The following PPFIA2 variants were observed in gnomAD, a reference collection of about 807,000 sequenced individuals.
PPFIA2 encodes liprin-alpha-2.
A neutral mutation model predicts 175.5 loss-of-function variants in PPFIA2; 46 were observed. The observed-to-expected ratio is 0.26, with a 90% CI of 0.21 to 0.34. PPFIA2 has a LOEUF of 0.34. Among genes scored for constraint, PPFIA2 ranks in the 10% least tolerant of loss-of-function variants. The probability of loss-of-function intolerance (pLI) is 1.00; values close to 1 mark genes in which losing one functional copy is unlikely to be tolerated. For synonymous variants in PPFIA2, 568 were observed against 511.4 expected (o/e 1.11, Z -1.49); for missense variants, 1,179 against 1,506.1 (o/e 0.78, Z 3.60).
intron 4 of PPFIA2, among the ~76,000 whole-genome samples, chr12:81,532,015 C>T (rs1204185654): frequency 1.3e-5 from 2 of 151,818 alleles, no homozygotes; most frequent in East Asian, 1.9e-4. Context: ...AAAAGGTCAG[C>T]ATGATCTCAA....
At chr12:81,341,255 G>A in intron 19 of PPFIA2, 47 bp from the exon 20 acceptor site, 1 of 1,568,364 alleles carries the variant, frequency 6.4e-7, no homozygotes, top group Non-Finnish European at 8.7e-7. Context: ...CTAAATTTCA[G>A]TTGAAATTGA....
At chr12:81,670,330 C>T (rs1372385098) in intron 4 of PPFIA2, among the ~76,000 whole-genome samples, 1 of 151,798 alleles carries the variant, frequency 6.6e-6, no homozygotes, top group Admixed American at 6.6e-5. Context: ...AGATAGAAAA[C>T]ATTGCAGGGC....
chr12:81,558,283 T>C (rs1454049699), intron 4 of PPFIA2, among the ~76,000 whole-genome samples: 3 of 152,160 alleles, frequency 2.0e-5, no homozygotes, highest in Non-Finnish European at 4.4e-5. Flanking sequence ...CTTTTCCACA[T>C]TTTCTTTGTA....
intron 7 of PPFIA2, among the ~76,000 whole-genome samples, chr12:81,422,233 T>C (rs2046407442): frequency 6.6e-6 from 1 of 151,220 alleles, no homozygotes; most frequent in African/African-American, 2.4e-5. Flanking sequence ...CTAAAGTAAA[T>C]GCCATCCTGT....
chr12:81,470,348 G>A (rs759948514), intron 4 of PPFIA2, among the ~76,000 whole-genome samples: 2 of 152,106 alleles, frequency 1.3e-5, no homozygotes, highest in Admixed American at 6.6e-5. Context: ...ATCATTAATC[G>A]TCAGAGAAAT....
intron 4 of PPFIA2, among the ~76,000 whole-genome samples, chr12:81,503,565 AG>A (rs1379831612): frequency 6.7e-6 from 1 of 149,838 alleles, no homozygotes; most frequent in Non-Finnish European, 1.5e-5. Context: ...AAAAAAAAAA[AG>A]TTTCATTCCA....
intron 4 of PPFIA2, among the ~76,000 whole-genome samples, chr12:81,485,440 CA>C (rs1235213066): frequency 4.6e-5 from 7 of 151,544 alleles, no homozygotes; most frequent in Non-Finnish European, 1.0e-4. Context: ...GTGTCACTTC[CA>C]ATATATTTTT....
intron 27 of PPFIA2, among the ~76,000 whole-genome samples, chr12:81,281,050 G>A (rs1415060518): frequency 6.6e-6 from 1 of 151,780 alleles, no homozygotes; most frequent in African/African-American, 2.4e-5. Flanking sequence ...ATAAACTTTG[G>A]GCACATAATA....
chr12:81,590,528 G>A (rs891048468), intron 4 of PPFIA2, among the ~76,000 whole-genome samples: 2 of 151,706 alleles, frequency 1.3e-5, no homozygotes, highest in Non-Finnish European at 2.9e-5. Context: ...CAGGGTGATA[G>A]GGTTTGGCTG....
intron 7 of PPFIA2, among the ~76,000 whole-genome samples, chr12:81,427,037 AATTG>A (rs1313946822): frequency 3.3e-5 from 5 of 152,072 alleles, no homozygotes; most frequent in East Asian, 3.8e-4. Context: ...TAATTTGATT[AATTG>A]ATTGAATACA....
intron 8 of PPFIA2, among the ~76,000 whole-genome samples, chr12:81,390,848 A>C (rs1167383551): frequency 6.6e-6 from 1 of 151,712 alleles, no homozygotes; most frequent in Non-Finnish European, 1.5e-5. Flanking sequence ...TTTCTAAAAA[A>C]TCAATCCCCA....
intron 3 of PPFIA2, among the ~76,000 whole-genome samples, chr12:81,752,633 G>T (rs997900024): frequency 2.0e-5 from 3 of 152,136 alleles, no homozygotes; most frequent in African/African-American, 7.2e-5. Flanking sequence ...TGTGACAGGG[G>T]ATTCTTAGTG....
At chr12:81,458,890 A>C (rs2054046442) in intron 4 of PPFIA2, among the ~76,000 whole-genome samples, 1 of 152,184 alleles carries the variant, frequency 6.6e-6, no homozygotes, top group Non-Finnish European at 1.5e-5. Context: ...GGGAAAACTT[A>C]GGTCCATGCT....
chr12:81,608,066 T>C (rs2060512344), intron 4 of PPFIA2, among the ~76,000 whole-genome samples: 1 of 152,082 alleles, frequency 6.6e-6, no homozygotes, highest in African/African-American at 2.4e-5. Flanking sequence ...TTGTTTTTGC[T>C]TTTAATTCTG....
At chr12:81,344,757 A>C in intron 18 of PPFIA2, 64 bp from the exon 19 acceptor site, 1 of 1,264,652 alleles carries the variant, frequency 7.9e-7, no homozygotes, top group East Asian at 2.5e-5. Flanking sequence ...CATTTGACCA[A>C]GTTACAATTT....
chr12:81,277,461 C>T lies in PPFIA2; in HGVS notation c.3213-47G>A, dbSNP rs543301695. ...AAAAAACACAGTGAGTCTACCTTAG[C>T]AGGTGGAGAAAGTTTTGTGATTAGC... On this transcript the variant is annotated intron_variant, in intron 27 of 32. Transcript: ENST00000549396. The T allele has an allele frequency of 1.7e-5, 25 of 1,441,400 alleles. No homozygotes were observed. In the Admixed American group the frequency reaches 6.7e-4, roughly 39 times the overall value. 89.3% of individuals were successfully genotyped at this position (1,441,400 alleles called of 1,614,324 possible). A position where few individuals can be genotyped will look rare whatever the true frequency, so the allele number is the denominator to read the frequency against.
At chr12:81,694,146 C>A (rs2075610371) in intron 3 of PPFIA2, among the ~76,000 whole-genome samples, 1 of 151,974 alleles carries the variant, frequency 6.6e-6, no homozygotes, top group South Asian at 2.1e-4. Flanking sequence ...TTTTATTTTT[C>A]CAGGAGAGAA....
intron 21 of PPFIA2, among the ~76,000 whole-genome samples, chr12:81,330,088 G>A (rs1279892612): frequency 6.6e-6 from 1 of 152,138 alleles, no homozygotes; most frequent in African/African-American, 2.4e-5. Context: ...AGGTGTGGAA[G>A]TTGTTAGAAT....
At chr12:81,438,340 T>C (rs2049484774) in intron 7 of PPFIA2, among the ~76,000 whole-genome samples, 1 of 152,088 alleles carries the variant, frequency 6.6e-6, no homozygotes, top group South Asian at 2.1e-4. Flanking sequence ...TGGTGGCACA[T>C]GCCCGTAATC....
Sources: allele counts gnomAD v4.1 joint callset (sites outside exome capture counted in the v4.1 genomes callset), GRCh38; gene constraint gnomAD v4.1.1; transcripts MANE v1.5; gene names NCBI Gene and HGNC (gene_info 2026-07-23, HGNC 2026-07-21).